Variants in ZCWPW2 observed in about 807,000 individuals in gnomAD.
ZCWPW2 encodes zinc finger CW-type PWWP domain protein 2.
A neutral mutation model predicts 46.6 loss-of-function variants in ZCWPW2; 45 were observed. That is an observed-to-expected ratio of 0.96 (90% CI 0.76 to 1.24). ZCWPW2 has a LOEUF of 1.24. ZCWPW2 is among the 50% of genes most tolerant of loss of function. ZCWPW2 has a pLI of 0.00. For synonymous variants in ZCWPW2, 152 were observed against 137.1 expected (o/e 1.11, Z -0.76); for missense variants, 429 against 403.9 (o/e 1.06, Z -0.53).
At chr3:28,360,247 T>G (rs1347904195) in intron 1 of ZCWPW2, among the ~76,000 whole-genome samples, 2 of 150,436 alleles carry the variant, frequency 1.3e-5, no homozygotes, top group Non-Finnish European at 2.9e-5. Context: ...GGCTCACGCC[T>G]GTAATTCCAG....
chr3:28,524,346 C>A (rs938235983), intron 9 of ZCWPW2, among the ~76,000 whole-genome samples, 181 bp from the exon 10 acceptor site: 4 of 151,860 alleles, frequency 2.6e-5, no homozygotes, highest in African/African-American at 9.7e-5. Flanking sequence ...TAAATAATAA[C>A]TTTTTCTTAT....
intron 4 of ZCWPW2, among the ~76,000 whole-genome samples, chr3:28,448,933 T>A (rs1018101434): frequency 6.6e-6 from 1 of 151,786 alleles, no homozygotes; most frequent in East Asian, 1.9e-4. Context: ...CTAAATTTAT[T>A]TGGAATCTCA....
chr3:28,470,723 T>C (rs554872954), intron 4 of ZCWPW2, among the ~76,000 whole-genome samples: 4 of 152,128 alleles, frequency 2.6e-5, no homozygotes, highest in Non-Finnish European at 4.4e-5. Flanking sequence ...CTCAACTGAT[T>C]TTCTTTTACT....
chr3:28,425,339 C>G (rs1159336317), intron 3 of ZCWPW2, among the ~76,000 whole-genome samples: 2 of 152,110 alleles, frequency 1.3e-5, no homozygotes, highest in Non-Finnish European at 2.9e-5. Flanking sequence ...ACTTATATTG[C>G]TTATTCAGTA....
chr3:28,352,588 A>G (rs532558297), intron 1 of ZCWPW2, among the ~76,000 whole-genome samples: 1 of 152,220 alleles, frequency 6.6e-6, no homozygotes, highest in Non-Finnish European at 1.5e-5. Context: ...TTAGAAAATA[A>G]TTGCAGAAGG....
chr3:28,388,396 A>T (rs1695358929), intron 1 of ZCWPW2, among the ~76,000 whole-genome samples: 1 of 152,176 alleles, frequency 6.6e-6, no homozygotes, highest in South Asian at 2.1e-4. Context: ...AAAGACTCTA[A>T]CAAGATCGTA....
intron 9 of ZCWPW2, among the ~76,000 whole-genome samples, chr3:28,524,049 C>A (rs536311242): frequency 6.6e-6 from 1 of 152,040 alleles, no homozygotes; most frequent in South Asian, 2.1e-4. Flanking sequence ...TTAATAAACT[C>A]TGAAGTTATA....
chr3:28,499,292 T>C (rs1429706677), intron 6 of ZCWPW2, among the ~76,000 whole-genome samples: 1 of 152,088 alleles, frequency 6.6e-6, no homozygotes, highest in African/African-American at 2.4e-5. Flanking sequence ...TATTTCTCCA[T>C]ATCCTCTCCA....
At chr3:28,494,660 ATTGT>A (rs1699926698) in intron 6 of ZCWPW2, among the ~76,000 whole-genome samples, 1 of 142,832 alleles carries the variant, frequency 7.0e-6, no homozygotes, top group South Asian at 2.4e-4. Flanking sequence ...AGACGACATG[ATTGT>A]TTATCTAGAA....
At chr3:28,439,499 G>A (rs1411217235) in intron 4 of ZCWPW2, among the ~76,000 whole-genome samples, 1 of 151,966 alleles carries the variant, frequency 6.6e-6, no homozygotes, top group Admixed American at 6.6e-5. Context: ...ACACACCCAA[G>A]ATCAATACTT....
chr3:28,508,893 C>A (rs1700351606), intron 6 of ZCWPW2, among the ~76,000 whole-genome samples: 1 of 152,100 alleles, frequency 6.6e-6, no homozygotes, highest in African/African-American at 2.4e-5. Flanking sequence ...ATTTGTATAT[C>A]ATACAGTTCA....
intron 1 of ZCWPW2, among the ~76,000 whole-genome samples, chr3:28,355,264 A>G (rs1267731692): frequency 6.6e-6 from 1 of 152,228 alleles, no homozygotes; most frequent in Non-Finnish European, 1.5e-5. Flanking sequence ...TTCAAAGAGA[A>G]TAAAATACCT....
chr3:28,396,285 A>G (rs941342001), intron 2 of ZCWPW2, among the ~76,000 whole-genome samples: 2 of 152,118 alleles, frequency 1.3e-5, no homozygotes, highest in African/African-American at 4.8e-5. Context: ...AATTCTTGAT[A>G]TTTTTCTGCT....
intron 1 of ZCWPW2, among the ~76,000 whole-genome samples, chr3:28,352,085 T>G (rs1406987799): frequency 6.6e-6 from 1 of 151,436 alleles, no homozygotes; most frequent in Non-Finnish European, 1.5e-5. Context: ...CCCCGTCTCC[T>G]TTGTCTCCTT....
chr3:28,454,484 C>T (rs183028432), intron 4 of ZCWPW2, among the ~76,000 whole-genome samples: 17 of 152,256 alleles, frequency 1.1e-4, no homozygotes, highest in African/African-American at 4.1e-4. Context: ...TCACTTCTAA[C>T]TTTTATTTTA....
At chr3:28,436,720 A>G (rs1376791382) in intron 4 of ZCWPW2, among the ~76,000 whole-genome samples, 2 of 152,196 alleles carry the variant, frequency 1.3e-5, no homozygotes. Flanking sequence ...CATATAAATC[A>G]ATTTCATGCT....
In ZCWPW2 at chr3:28,478,987, T is replaced by C. The variant is rs145875602; in HGVS notation, c.610+56T>C. 1,005 of 1,139,620 alleles carry C rather than the reference T, an allele frequency of 8.8e-4. 2 individuals are homozygous for C. Among genetic ancestry groups the C allele is most frequent in the Non-Finnish European group, 1.1e-3 (860 of 797,116 alleles). The allele number at this position is 1,139,620 out of a possible 1,614,324, so 70.6% of individuals were successfully genotyped here. A position where few individuals can be genotyped will look rare whatever the true frequency, so the allele number is the denominator to read the frequency against. On this transcript the variant is annotated intron_variant, in intron 5 of 9. Transcript: ENST00000383768. Reference sequence around the variant, plus strand: ...AAATAAGGATTTATTCAAATGCATGTTTTCCAAAATATGTTTGCTCATTCA... The same window carrying C: ...AAATAAGGATTTATTCAAATGCATGCTTTCCAAAATATGTTTGCTCATTCA...
At chr3:28,398,744 G>A (rs1308258099) in intron 2 of ZCWPW2, among the ~76,000 whole-genome samples, 2 of 152,138 alleles carry the variant, frequency 1.3e-5, no homozygotes, top group African/African-American at 2.4e-5. Flanking sequence ...TTATAGAGCC[G>A]AGTGAAATAC....
chr3:28,376,199 A>G (rs2125706023), intron 1 of ZCWPW2, among the ~76,000 whole-genome samples: 1 of 152,144 alleles, frequency 6.6e-6, no homozygotes, highest in East Asian at 1.9e-4. Context: ...TAGTGAATCT[A>G]TTATAGGTTT....
Sources: allele counts gnomAD v4.1 joint callset (sites outside exome capture counted in the v4.1 genomes callset), GRCh38; gene constraint gnomAD v4.1.1; transcripts MANE v1.5; gene names NCBI Gene and HGNC (gene_info 2026-07-23, HGNC 2026-07-21).